DPY30: variants seen among roughly 807,000 people sequenced by gnomAD.
DPY30 encodes protein dpy-30 homolog.
DPY30 carries 6 observed loss-of-function variants against 16.2 expected under a neutral mutation model. That is an observed-to-expected ratio of 0.37 (90% CI 0.20 to 0.73). The LOEUF is 0.73. Ranked by LOEUF, DPY30 falls within the 30% of genes least tolerant of loss-of-function variation. DPY30 has a pLI of 0.51. For missense variants in DPY30, 73 were observed against 113.1 expected (o/e 0.65, Z 1.61); for synonymous variants, 39 against 38.8 (o/e 1.00, Z -0.02).
intron 5 of DPY30, among the ~76,000 whole-genome samples, chr2:32,017,386 G>A (rs534977110): frequency 1.7e-4 from 26 of 151,982 alleles, no homozygotes; most frequent in Admixed American, 1.2e-3. Flanking sequence ...GGAGGCCAAG[G>A]CGGGCAGATC....
Position 32,024,030 on chromosome 2 carries a change from GA to G in DPY30, c.*153del, listed in dbSNP as rs1278992721. ...TTATGGTGATTAAATCAAAATAAGGGAAATATGTTATCTTCTGCAATTCCAG... is the reference window on the plus strand; with the variant it reads ...TTATGGTGATTAAATCAAAATAAGGGAATATGTTATCTTCTGCAATTCCAG... On this transcript the variant is annotated 3_prime_UTR_variant, in exon 5 of 5. Coordinates refer to ENST00000342166, the MANE Select transcript of DPY30 (RefSeq NM_001321209.2). 3 of 1,479,810 alleles carry G rather than the reference GA, an allele frequency of 2.0e-6. No homozygotes were observed. The African/African-American group carries it at 4.3e-5, about 21-fold the overall frequency. The allele number at this position is 1,479,810 out of a possible 1,614,324, so 91.7% of individuals were successfully genotyped here. A position where few individuals can be genotyped will look rare whatever the true frequency, so the allele number is the denominator to read the frequency against.
intron 5 of DPY30, among the ~76,000 whole-genome samples, chr2:32,018,861 A>T (rs185557057): frequency 4.6e-5 from 7 of 151,584 alleles, no homozygotes; most frequent in Non-Finnish European, 7.4e-5. Context: ...TCTATGAAAA[A>T]TACAAAAAAA....
intron 4 of DPY30, among the ~76,000 whole-genome samples, chr2:32,028,285 T>G (rs1329126853): frequency 2.6e-5 from 4 of 151,974 alleles, no homozygotes; most frequent in South Asian, 2.1e-4. Flanking sequence ...CTGGCTGAGA[T>G]GAGACATGGT....
intron 3 of DPY30, among the ~76,000 whole-genome samples, chr2:32,034,064 T>C (rs1675647349): frequency 6.6e-6 from 1 of 152,036 alleles, no homozygotes; most frequent in Admixed American, 6.6e-5. Context: ...CCAAAACAAC[T>C]AAAATTTGCA....
intron 4 of DPY30, among the ~76,000 whole-genome samples, chr2:32,027,428 G>A (rs1675372809): frequency 6.6e-6 from 1 of 151,210 alleles, no homozygotes; most frequent in African/African-American, 2.4e-5. Flanking sequence ...TACTCAGGAG[G>A]CTGAGGCAAG....
intron 5 of DPY30, among the ~76,000 whole-genome samples, chr2:32,017,485 C>A (rs555007637): frequency 6.6e-6 from 1 of 151,918 alleles, no homozygotes; most frequent in South Asian, 2.1e-4. Flanking sequence ...GGCATGGTGG[C>A]AGGCATCTAT....
At chr2:32,031,005 A>G (rs1675518415) in intron 3 of DPY30, among the ~76,000 whole-genome samples, 1 of 152,200 alleles carries the variant, frequency 6.6e-6, no homozygotes, top group Non-Finnish European at 1.5e-5. Flanking sequence ...AAAAATAACA[A>G]GTTATATTTT....
chr2:32,024,242 A>G lies in DPY30; in HGVS notation c.242T>C (p.Ile81Thr), dbSNP rs143469015. ...TAAAAGATAAGATGCTAGAAATTCA[A>G]TGGGATTTGGTGGTCTGTAAGGGAA... is the stretch of plus-strand genomic sequence containing the variant. ...VLAKERPPNP[I>T]EFLASYLLKN... is the part of the protein sequence containing the mutation. The change falls in exon 5 of 5, where the codon ATT becomes ACT. Residue 81 changes from isoleucine to threonine, a missense_variant. By Grantham distance (89) the Ile-to-Thr change is moderately conservative. Coordinates refer to ENST00000342166, the MANE Select transcript of DPY30 (RefSeq NM_001321209.2). 3.1e-6 allele frequency: 5 copies of G among 1,612,124 alleles called. No homozygotes were observed. The highest frequency in any genetic ancestry group is 2.2e-5 in the East Asian group (1 of 44,760).
At chr2:32,036,868 CA>C (rs915110541) in intron 3 of DPY30, among the ~76,000 whole-genome samples, 1 of 147,804 alleles carries the variant, frequency 6.8e-6, no homozygotes, top group Admixed American at 6.8e-5. Context: ...GACTCTGTTT[CA>C]AAAAAAAGAA....
In DPY30 at chr2:32,039,304, T is replaced by A; in HGVS notation, c.59A>T (p.Glu20Val). The change falls in exon 3 of 5, where the codon GAG becomes GTG. Residue 20 changes from glutamate to valine, a missense_variant. By Grantham distance (121) the Glu-to-Val change is moderately radical. Coordinates refer to ENST00000342166, the MANE Select transcript of DPY30 (RefSeq NM_001321209.2). ...CTCAACGTTGTCTGTGAGACCGTAC[T>A]CAGAGTGAGGATTTTCTGCAACCTA... ...QTQVAENPHS[E>V]YGLTDNVERI... The A allele has an allele frequency of 6.2e-7, 1 of 1,614,150 alleles. No homozygotes were observed. Among genetic ancestry groups the A allele is most frequent in the South Asian group, 1.1e-5 (1 of 91,082 alleles).
chr2:32,035,255 C>G (rs1675692059), intron 3 of DPY30, among the ~76,000 whole-genome samples: 2 of 152,104 alleles, frequency 1.3e-5, no homozygotes, highest in African/African-American at 4.8e-5. Context: ...TGTACCCCAG[C>G]CTGGGTGAAA....
intron 3 of DPY30, among the ~76,000 whole-genome samples, chr2:32,037,845 G>A (rs1033557343): frequency 6.6e-6 from 1 of 151,796 alleles, no homozygotes; most frequent in Non-Finnish European, 1.5e-5. Flanking sequence ...GAGCCACCAC[G>A]CCCAGCCTGT....
chr2:32,039,302 A>G lies in DPY30; in HGVS notation c.61T>C (p.Tyr21His), dbSNP rs1675874569. 1 of 1,614,184 alleles carries G rather than the reference A, an allele frequency of 6.2e-7. No homozygotes were observed. The highest frequency in any genetic ancestry group is 8.5e-7 in the Non-Finnish European group (1 of 1,180,042). The change falls in exon 3 of 5, where the codon TAC becomes CAC. Residue 21 changes from tyrosine (Y) to histidine (H), a missense_variant. Physicochemically the swap from Tyr to His is moderately conservative, Grantham distance 83. Transcript: ENST00000342166. Reference sequence around the variant, plus strand: ...ACCTCAACGTTGTCTGTGAGACCGTACTCAGAGTGAGGATTTTCTGCAACC... The same window carrying G: ...ACCTCAACGTTGTCTGTGAGACCGTGCTCAGAGTGAGGATTTTCTGCAACC... Reference protein sequence around the residue: ...TQVAENPHSEYGLTDNVERIV... With the variant: ...TQVAENPHSEHGLTDNVERIV...
At chr2:32,035,441 A>G (rs1675698674) in intron 3 of DPY30, among the ~76,000 whole-genome samples, 1 of 150,814 alleles carries the variant, frequency 6.6e-6, no homozygotes, top group Non-Finnish European at 1.5e-5. Context: ...ATCTCTACTA[A>G]AATACAAAAA....
chr2:32,014,419 T>C (rs1314105970), intron 5 of DPY30, among the ~76,000 whole-genome samples: 2 of 151,920 alleles, frequency 1.3e-5, no homozygotes, highest in Non-Finnish European at 2.9e-5. Flanking sequence ...GCCCAGGAGT[T>C]TGAGACTGCA....
intron 3 of DPY30, among the ~76,000 whole-genome samples, chr2:32,033,562 C>T (rs372450892): frequency 2.0e-5 from 3 of 152,028 alleles, no homozygotes; most frequent in African/African-American, 7.2e-5. Context: ...ATCCCAGCTA[C>T]TCGGGAGGCT....
intron 5 of DPY30, among the ~76,000 whole-genome samples, chr2:32,016,968 C>T (rs948350201): frequency 4.6e-5 from 7 of 151,950 alleles, no homozygotes; most frequent in Admixed American, 1.3e-4. Flanking sequence ...CTGCAGCCTC[C>T]GCCTCCCGGG....
intron 3 of DPY30, among the ~76,000 whole-genome samples, chr2:32,030,545 G>C (rs1267057672): frequency 2.0e-5 from 3 of 151,742 alleles, no homozygotes; most frequent in Non-Finnish European, 4.4e-5. Context: ...CAGGAGAATG[G>C]CGTGAACCTG....
intron 3 of DPY30, among the ~76,000 whole-genome samples, chr2:32,032,814 G>A (rs1249961172): frequency 6.6e-6 from 1 of 152,054 alleles, no homozygotes; most frequent in Non-Finnish European, 1.5e-5. Flanking sequence ...TGACCAACAT[G>A]GTGAAACCCC....
Sources: gnomAD v4.1 joint callset for allele counts (sites outside exome capture counted in the v4.1 genomes callset) on GRCh38, gnomAD v4.1.1 for gene constraint, MANE v1.5 for transcripts, NCBI Gene and HGNC (gene_info 2026-07-23, HGNC 2026-07-21) for gene names.